Variants in RPAP2 observed in about 807,000 individuals in gnomAD.
RPAP2 encodes the protein putative RNA polymerase II subunit B1 CTD phosphatase RPAP2.
A neutral mutation model predicts 73.1 loss-of-function variants in RPAP2; 52 were observed. The ratio of observed to expected loss-of-function variants is 0.71; its 90% confidence interval spans 0.57 to 0.90. The LOEUF is 0.90. Ranked by LOEUF, RPAP2 falls within the 40% of genes least tolerant of loss-of-function variation. The pLI is 0.00. For synonymous variants in RPAP2, 225 were observed against 242.1 expected, an observed-to-expected ratio of 0.93 and a Z score of 0.65; for missense variants, 598 against 701.8, an observed-to-expected ratio of 0.85 and a Z score of 1.67.
In RPAP2 at chr1:92,386,995, CT is replaced by C. The variant is rs1343278221; in HGVS notation, c.*-10del. 3.8e-6 allele frequency: 6 copies of C among 1,587,662 alleles called. No individual in the cohort carries two copies. The highest frequency in any genetic ancestry group is 1.7e-5 in the Admixed American group (1 of 59,120). The stretch of plus-strand genomic sequence containing the variant: ...CAATACATGTTTTACTCAAAGTATC[CT>C]TTTTTGCTTCACAGATATATTCCAT... On this transcript the variant is annotated splice_polypyrimidine_tract_variant and intron_variant, in intron 12 of 12. Transcript: ENST00000610020.
chr1:92,327,485 C>T lies in RPAP2; in HGVS notation c.1455+3110C>T, dbSNP rs544041565. 2.0e-4 allele frequency among the ~76,000 whole-genome samples: 30 copies of T among 152,290 alleles called. No individual in the cohort carries two copies. The South Asian group carries it at 6.2e-3, about 32-fold the overall frequency. ...CTGATATAAGAATAGCTACTTCTCA[C>T]TTTTGGTGTCCATTTGCATGGAATA... On this transcript the variant is annotated intron_variant, in intron 8 of 12. Transcript: ENST00000610020.
At chr1:92,313,431 T>G (rs1372255905) in intron 6 of RPAP2, among the ~76,000 whole-genome samples, 1 of 132,048 alleles carries the variant, frequency 7.6e-6, no homozygotes, top group African/African-American at 2.7e-5. Flanking sequence ...TCAGTAATAT[T>G]TGGAAAGGAA....
chr1:92,331,342 A>G (rs1250284313), intron 8 of RPAP2, among the ~76,000 whole-genome samples: 1 of 152,162 alleles, frequency 6.6e-6, no homozygotes, highest in Non-Finnish European at 1.5e-5. Flanking sequence ...TCATGTCACA[A>G]TTGGTATACA....
At chr1:92,304,781 C>T (rs146481546) in intron 5 of RPAP2, among the ~76,000 whole-genome samples, 61 of 152,274 alleles carry the variant, frequency 4.0e-4, no homozygotes, top group African/African-American at 1.4e-3. Flanking sequence ...ATGCCTATCT[C>T]AGTCTCTATA....
chr1:92,338,586 C>T (rs1653412447), intron 10 of RPAP2, among the ~76,000 whole-genome samples: 1 of 151,524 alleles, frequency 6.6e-6, no homozygotes, highest in African/African-American at 2.4e-5. Context: ...TGAATATCAT[C>T]ATACTAACAT....
At chr1:92,379,381 G>A (rs981464869) in intron 11 of RPAP2, among the ~76,000 whole-genome samples, 2 of 152,048 alleles carry the variant, frequency 1.3e-5, no homozygotes, top group African/African-American at 4.8e-5. Context: ...ACTCTGAGAC[G>A]CATACTCTCT....
At chr1:92,319,698 A>G (rs965927748) in intron 6 of RPAP2, among the ~76,000 whole-genome samples, 3 of 152,210 alleles carry the variant, frequency 2.0e-5, no homozygotes, top group Non-Finnish European at 4.4e-5. Context: ...AGACTTAAAC[A>G]TATGAAAAGT....
chr1:92,314,507 T>C (rs1651795076), intron 6 of RPAP2, among the ~76,000 whole-genome samples: 1 of 152,228 alleles, frequency 6.6e-6, no homozygotes, highest in African/African-American at 2.4e-5. Flanking sequence ...TCCAGCACTT[T>C]GGGAGGCCAA....
chr1:92,367,951 G>A (rs1654993808), intron 11 of RPAP2, among the ~76,000 whole-genome samples: 1 of 152,192 alleles, frequency 6.6e-6, no homozygotes, highest in African/African-American at 2.4e-5. Flanking sequence ...AGTCAGGTTT[G>A]CAGCTATCTG....
chr1:92,372,965 G>A (rs1026139271), intron 11 of RPAP2, among the ~76,000 whole-genome samples: 1 of 152,122 alleles, frequency 6.6e-6, no homozygotes, highest in Non-Finnish European at 1.5e-5. Context: ...AAACATTTCG[G>A]TAATCACAAT....
intron 10 of RPAP2, among the ~76,000 whole-genome samples, chr1:92,340,953 G>T (rs1241113541): frequency 6.6e-6 from 1 of 152,050 alleles, no homozygotes; most frequent in Non-Finnish European, 1.5e-5. Context: ...AATCAGTGAT[G>T]AATCAAGGTA....
intron 9 of RPAP2, among the ~76,000 whole-genome samples, chr1:92,335,683 T>C (rs1167221446): frequency 1.3e-5 from 2 of 152,178 alleles, no homozygotes; most frequent in African/African-American, 2.4e-5. Context: ...TTCACATCTA[T>C]CATGAATATC....
chr1:92,304,231 C>T (rs1651053344), intron 4 of RPAP2, 53 bp from the exon 5 acceptor site: 3 of 1,245,292 alleles, frequency 2.4e-6, no homozygotes, highest in Non-Finnish European at 2.3e-6. Context: ...TGTAACATAA[C>T]GTTCATGTTT....
rs1175800680 is a variant in RPAP2 at position 92,393,331 on chromosome 1, C to G, written c.*6320C>G. 6.6e-6 allele frequency: 1 copy of G among 152,152 alleles called. No homozygotes were observed. The highest frequency in any genetic ancestry group is 1.5e-5 in the Non-Finnish European group (1 of 68,022). The allele number at this position is 152,152 out of a possible 1,614,324, so 9.4% of individuals were successfully genotyped here. A position where few individuals can be genotyped will look rare whatever the true frequency, so the allele number is the denominator to read the frequency against. ...CTTACACCTTATACAAAAATCAACT[C>G]AAGATGGAACAAAGACTTAAACGTA... On this transcript the variant is annotated 3_prime_UTR_variant, in exon 13 of 13. Coordinates refer to ENST00000610020, the MANE Select transcript of RPAP2 (RefSeq NM_024813.3).
chr1:92,304,075 TGTAA>T lies in RPAP2; in HGVS notation c.333+5_333+8del. 1.3e-6 allele frequency: 2 copies of T among 1,585,100 alleles called. No homozygotes were observed. The highest frequency in any genetic ancestry group is 1.2e-5 in the South Asian group (1 of 86,440). On this transcript the variant is annotated splice_donor_variant and splice_donor_region_variant and intron_variant, in intron 4 of 12. Coordinates refer to ENST00000610020, the MANE Select transcript of RPAP2 (RefSeq NM_024813.3). LOFTEE classifies it high-confidence loss of function. ...CTTTATGTCAGAAGAAGCTGGGAAT[TGTAA>T]GTAACTCATTTTTTTTAAAATATAG...
intron 6 of RPAP2, among the ~76,000 whole-genome samples, chr1:92,312,565 T>A (rs1651654935): frequency 6.6e-6 from 1 of 152,204 alleles, no homozygotes; most frequent in Non-Finnish European, 1.5e-5. Context: ...AAGAAACCAG[T>A]TTCTTTGCCT....
At chr1:92,342,044 A>G (rs1408291207) in intron 10 of RPAP2, among the ~76,000 whole-genome samples, 4 of 152,232 alleles carry the variant, frequency 2.6e-5, no homozygotes, top group Non-Finnish European at 5.9e-5. Context: ...TATTTGCTAC[A>G]GGTACATCAG....
intron 8 of RPAP2, among the ~76,000 whole-genome samples, chr1:92,328,998 G>A (rs892065954): frequency 3.8e-4 from 58 of 152,322 alleles, no homozygotes; most frequent in Non-Finnish European, 6.0e-4. Context: ...GATGTGATCC[G>A]TCTTCAGCTG....
chr1:92,379,108 C>T (rs745788239), intron 11 of RPAP2, among the ~76,000 whole-genome samples: 7 of 152,132 alleles, frequency 4.6e-5, no homozygotes, highest in East Asian at 1.9e-4. Flanking sequence ...TTCTACTTTC[C>T]GTATAGGATG....
Sources: gnomAD v4.1 joint callset for allele counts (sites outside exome capture counted in the v4.1 genomes callset) on GRCh38, gnomAD v4.1.1 for gene constraint, MANE v1.5 for transcripts, NCBI Gene and HGNC (gene_info 2026-07-23, HGNC 2026-07-21) for gene names.